MYH4: variants seen among roughly 807,000 people sequenced by gnomAD.
MYH4 encodes myosin-4.
A neutral mutation model predicts 229.9 loss-of-function variants in MYH4; 200 were observed. The ratio of observed to expected loss-of-function variants is 0.87; its 90% CI spans 0.78 to 0.98. The LOEUF is 0.98. MYH4 is among the 50% of genes least tolerant of loss of function. The pLI is 0.00. For synonymous variants in MYH4, 761 were observed against 834.6 expected (o/e 0.91, Z 1.52); for missense variants, 2,148 against 2,332.6 (o/e 0.92, Z 1.63).
chr17:10,451,520 C>G (rs1407353791), intron 27 of MYH4, 68 bp from the exon 28 acceptor site: 2 of 1,498,238 alleles, frequency 1.3e-6, no homozygotes, highest in Non-Finnish European at 1.8e-6. Context: ...ATTTAGAGAT[C>G]TGTAACTACC....
chr17:10,467,923 A>T (rs1054867860), intron 2 of MYH4, among the ~76,000 whole-genome samples: 3 of 152,238 alleles, frequency 2.0e-5, no homozygotes, highest in Non-Finnish European at 4.4e-5. Flanking sequence ...GACAGCAATG[A>T]TGGCGACAAC....
Position 10,447,808 on chromosome 17 carries a change from C to T in MYH4, c.4965+10G>A. 6.3e-7 allele frequency: 1 copy of T among 1,597,418 alleles called. No homozygotes were observed. Among genetic ancestry groups the T allele is most frequent in the Non-Finnish European group, 8.5e-7 (1 of 1,171,586 alleles). On this transcript the variant is annotated intron_variant, in intron 34 of 39. Transcript: ENST00000255381. ...ACTGTACAACACTATGTGTATTTACCCCAGCATACCTTCAGTATTCCTTGT... is the reference window on the plus strand; with the variant it reads ...ACTGTACAACACTATGTGTATTTACTCCAGCATACCTTCAGTATTCCTTGT...
At position 10,452,049 on chromosome 17, in the gene MYH4, C is replaced by A; in HGVS notation, c.3630G>T (p.Gln1210His). The A allele has an allele frequency of 6.2e-7, 1 of 1,613,944 alleles. No homozygotes were observed. Among genetic ancestry groups the A allele is most frequent in the African/African-American group, 1.3e-5 (1 of 75,020 alleles). ...GCTTGACCCGCTGAAGGCTGTCAAT[C>A]TGCTCCCCAAGCTCAGCCACACTAT... ...HADSVAELGE[Q>H]IDSLQRVKQK... The change falls in exon 27 of 40, where the codon CAG (glutamine) becomes CAT (histidine). Residue 1210 changes from glutamine to histidine, a missense_variant. Coordinates refer to ENST00000255381, the MANE Select transcript of MYH4 (RefSeq NM_017533.2).
chr17:10,465,022 A>G (rs1005779228), intron 5 of MYH4, among the ~76,000 whole-genome samples: 1 of 152,220 alleles, frequency 6.6e-6, no homozygotes, highest in African/African-American at 2.4e-5. Flanking sequence ...ATAGTACAAA[A>G]TTATGTCAAT....
chr17:10,468,850 G>T (rs9907766), intron 2 of MYH4, among the ~76,000 whole-genome samples: 69,266 of 152,064 alleles, frequency 0.46, 17,504 homozygotes, highest in Non-Finnish European at 0.58. Flanking sequence ...ATGCAGGTTT[G>T]TTAATTCCAC....
chr17:10,462,863 AC>A lies in MYH4; in HGVS notation c.1008+1del, dbSNP rs754489965. ...TTTTACTACTTTGTACCTATTACTT[AC>A]ATCTGTGGCCATCAGCTCTTCCTGG... On this transcript the variant is annotated splice_donor_variant, in intron 11 of 39. Transcript: ENST00000255381. LOFTEE classifies it high-confidence loss of function. 14 of 1,611,008 alleles carry A rather than the reference AC, an allele frequency of 8.7e-6. No homozygotes were observed. The highest frequency in any genetic ancestry group is 1.2e-5 in the Non-Finnish European group (14 of 1,177,894).
rs1399751348 is a variant in MYH4, at chr17:10,455,680, A to C, written c.2108T>G (p.Leu703Arg). ...VLHQLRCNGV[L>R]EGIRICRKGF... ...TTTCCTGCAGATGCGGATGCCTTCC[A>C]GCACACCGTTACACCTCAGCTGATG... The change falls in exon 19 of 40, where the codon CTG (leucine) becomes CGG (arginine). Residue 703 changes from leucine (L) to arginine (R), a missense_variant. Transcript: ENST00000255381. 2 of 1,614,180 alleles carry C rather than the reference A, an allele frequency of 1.2e-6. No individual in the cohort carries two copies.
intron 12 of MYH4, 21 bp downstream of exon 12, chr17:10,460,895 G>C (rs1370767745): frequency 1.9e-6 from 3 of 1,613,232 alleles, no homozygotes; most frequent in Admixed American, 3.3e-5. Flanking sequence ...TCAAGTGGAA[G>C]ATACCAACAG....
At position 10,443,305 on chromosome 17, in the gene MYH4, T is replaced by C; in HGVS notation, c.*70A>G. ...ATCTAAAGATTTTATTTCCTTGATA[T>C]ACAGGACAGTGACAAAGAACTTCAC... is the stretch of plus-strand genomic sequence containing the variant. On this transcript the variant is annotated 3_prime_UTR_variant, in exon 40 of 40. Transcript: ENST00000255381. This position sits in a 1 kb window ranked among gnomAD's most constrained non-coding sequence, Gnocchi z 4.6. The C allele has an allele frequency of 1.3e-6, 2 of 1,516,144 alleles. No homozygotes were observed. The highest frequency in any genetic ancestry group is 1.8e-6 in the Non-Finnish European group (2 of 1,099,376). The allele number at this position is 1,516,144 out of a possible 1,614,324, so 93.9% of individuals were successfully genotyped here. A position where few individuals can be genotyped will look rare whatever the true frequency, so the allele number is the denominator to read the frequency against.
Position 10,444,597 on chromosome 17 carries a change from TACTC to T in MYH4, c.5667+3_5667+6del, listed in dbSNP as rs773812777. The T allele has an allele frequency of 6.2e-7, 1 of 1,611,516 alleles. No homozygotes were observed. ...GAACCTTTCATTTCCACTGTGGAGA[TACTC>T]ACAGCCTCTTCAGCTTGTCTCTTGT... On this transcript the variant is annotated splice_donor_5th_base_variant and intron_variant, in intron 39 of 39. Transcript: ENST00000255381.
chr17:10,448,353 T>C (rs2072535180), intron 33 of MYH4, 43 bp downstream of exon 33: 1 of 1,577,064 alleles, frequency 6.3e-7, no homozygotes, highest in African/African-American at 1.4e-5. Flanking sequence ...CTATTAATTT[T>C]CAATTTATTT....
intron 11 of MYH4, among the ~76,000 whole-genome samples, chr17:10,461,809 G>A (rs2072706626): frequency 6.6e-6 from 1 of 152,198 alleles, no homozygotes; most frequent in African/African-American, 2.4e-5. Flanking sequence ...ATGGGGGCAG[G>A]ATTCAGAGCA....
In MYH4 at chr17:10,466,576, C is replaced by A. The variant is rs371573424; in HGVS notation, c.170G>T (p.Gly57Val). The A allele has an allele frequency of 3.0e-5, 49 of 1,613,792 alleles. No homozygotes were observed. Among genetic ancestry groups the A allele is most frequent in the Non-Finnish European group, 4.1e-5 (48 of 1,180,042 alleles). The change falls in exon 3 of 40, where the codon GGG (glycine) becomes GTG (valine). Residue 57 changes from glycine (G) to valine (V), a missense_variant. Physicochemically the swap from Gly to Val is moderately radical, Grantham distance 109. Transcript: ENST00000255381. ...TTCGGTCTTGGCTGTCACCTTCCCC[C>A]CTTCCCTGCTCTGCACTATTGCTTT... ...YVKAIVQSRE[G>V]GKVTAKTEAG... is the part of the protein sequence containing the mutation.
chr17:10,451,896 G>A (rs201769814), intron 27 of MYH4, 45 bp downstream of exon 27: 2 of 1,549,134 alleles, frequency 1.3e-6, no homozygotes, highest in Admixed American at 2.0e-5. Context: ...TGGTCATTTT[G>A]AATTGTTGCA....
At chr17:10,447,253 C>A in intron 34 of MYH4, 37 bp from the exon 35 acceptor site, 1 of 1,584,342 alleles carries the variant, frequency 6.3e-7, no homozygotes, top group Non-Finnish European at 8.6e-7. Context: ...ACTCATGCTG[C>A]ACTTAAAGCA....
chr17:10,453,021 A>C, intron 24 of MYH4, 89 bp from the exon 25 acceptor site: 1 of 1,583,318 alleles, frequency 6.3e-7, no homozygotes, highest in Non-Finnish European at 8.6e-7. Flanking sequence ...AAAAAAATTT[A>C]AAGATACAAC....
chr17:10,459,874 T>C (rs189057111), intron 14 of MYH4, 78 bp downstream of exon 14: 3 of 1,608,280 alleles, frequency 1.9e-6, no homozygotes, highest in Non-Finnish European at 2.6e-6. Context: ...TTTTGTAAGG[T>C]ACATTTTGTA....
At chr17:10,461,908 T>G (rs1487200435) in intron 11 of MYH4, among the ~76,000 whole-genome samples, 1 of 152,190 alleles carries the variant, frequency 6.6e-6, no homozygotes, top group Non-Finnish European at 1.5e-5. Context: ...TAACTCTACC[T>G]ATTTACAGAA....
Position 10,448,500 on chromosome 17 carries a change from C to G in MYH4, c.4552G>C (p.Glu1518Gln), listed in dbSNP as rs539159122. 19 of 1,613,756 alleles carry G rather than the reference C, an allele frequency of 1.2e-5. No individual in the cohort carries two copies. The South Asian group carries it at 2.0e-4, about 17-fold the overall frequency. ...TGCTTTCCACCCTCTGCAATTTGCTCTGTCAGGTCAGAAATCTCCTCTGTA... is the reference window on the plus strand; with the variant it reads ...TGCTTTCCACCCTCTGCAATTTGCTGTGTCAGGTCAGAAATCTCCTCTGTA... ...NLQQEISDLT[E>Q]QIAEGGKHIH... is the part of the protein sequence containing the mutation. The change falls in exon 33 of 40, where the codon GAG becomes CAG. Residue 1518 changes from glutamate to glutamine, a missense_variant. Physicochemically the swap from Glu to Gln is conservative, Grantham distance 29 (BLOSUM62 2). Transcript: ENST00000255381.
Sources: gnomAD v4.1 joint callset for allele counts (sites outside exome capture counted in the v4.1 genomes callset) on GRCh38, gnomAD v4.1.1 for gene constraint, Gnocchi (gnomAD v3.1) non-coding constraint, MANE v1.5 for transcripts, NCBI Gene and HGNC (gene_info 2026-07-23, HGNC 2026-07-21) for gene names.